The following NREP variants were observed in gnomAD, a reference collection of about 807,000 sequenced individuals.
NREP encodes the protein neuronal regeneration related protein, also known as neuronal regeneration-related protein.
Under a neutral mutation model 8.6 loss-of-function variants are expected in NREP, and 5 were observed. The observed-to-expected ratio is 0.58, with a 90% CI of 0.30 to 1.22. NREP has a LOEUF of 1.22. NREP is among the 50% of genes most tolerant of loss of function. The probability of loss-of-function intolerance (pLI) is 0.07; values close to 1 mark genes in which losing one functional copy is unlikely to be tolerated. For missense variants in NREP, 86 were observed against 82.5 expected (o/e 1.04, Z -0.17); for synonymous variants, 27 against 28.0 (o/e 0.96, Z 0.11).
chr5:111,971,584 A>G (rs1756819970), intron 2 of NREP, among the ~76,000 whole-genome samples: 1 of 152,314 alleles, frequency 6.6e-6, no homozygotes, highest in Non-Finnish European at 1.5e-5. Flanking sequence ...TTTATGGTCA[A>G]TTGATTTTTG....
intron 2 of NREP, among the ~76,000 whole-genome samples, chr5:111,818,210 ATAAT>A (rs1419023806): frequency 6.6e-6 from 1 of 152,158 alleles, no homozygotes; most frequent in Non-Finnish European, 1.5e-5. Flanking sequence ...GTGTCATATT[ATAAT>A]TAATTGCACA....
At chr5:111,757,600 G>A, upstream of NREP, 1 of 983,608 alleles carries the variant, frequency 1.0e-6, no homozygotes, top group African/African-American at 1.8e-5. Flanking sequence ...GTCGGCGAGC[G>A]GCCAACAGGC....
At chr5:111,882,922 T>C (rs1336141082) in intron 2 of NREP, among the ~76,000 whole-genome samples, 3 of 152,154 alleles carry the variant, frequency 2.0e-5, no homozygotes, top group Non-Finnish European at 4.4e-5. Flanking sequence ...CATCAACTAA[T>C]GAGCAAAATA....
At chr5:111,927,784 T>C (rs490983) in intron 2 of NREP, among the ~76,000 whole-genome samples, 79,572 of 151,904 alleles carry the variant, frequency 0.52, 21,730 homozygotes, top group African/African-American at 0.66. Context: ...TCTTTCCTTT[T>C]AAATATTTAA....
intron 2 of NREP, among the ~76,000 whole-genome samples, chr5:111,811,607 A>C (rs1752270707): frequency 6.6e-6 from 1 of 152,190 alleles, no homozygotes; most frequent in South Asian, 2.1e-4. Flanking sequence ...TCAAGTCCAG[A>C]AGGGAGTGCT....
At chr5:111,868,096 G>C (rs1032070666) in intron 2 of NREP, among the ~76,000 whole-genome samples, 2 of 151,946 alleles carry the variant, frequency 1.3e-5, no homozygotes, top group Admixed American at 6.6e-5. Flanking sequence ...CATTTTAAAA[G>C]CTAATGGAAA....
At chr5:111,968,907 C>T (rs530291657) in intron 2 of NREP, among the ~76,000 whole-genome samples, 30 of 152,332 alleles carry the variant, frequency 2.0e-4, no homozygotes, top group Non-Finnish European at 3.2e-4. Context: ...CTGCTCATCA[C>T]CACTCAACCC....
At chr5:111,802,569 T>C (rs190656248) in intron 2 of NREP, among the ~76,000 whole-genome samples, 1 of 152,160 alleles carries the variant, frequency 6.6e-6, no homozygotes, top group Non-Finnish European at 1.5e-5. Flanking sequence ...TGTATTTTTT[T>C]AAAATGCAAT....
chr5:111,936,857 C>A (rs1451427903), intron 2 of NREP, among the ~76,000 whole-genome samples: 1 of 152,016 alleles, frequency 6.6e-6, no homozygotes, highest in African/African-American at 2.4e-5. Context: ...CAGCTCTAGG[C>A]CATCTAGGTG....
exon 2 of NREP, chr5:111,975,322 A>G: frequency 6.4e-7 from 1 of 1,551,646 alleles, no homozygotes; most frequent in Non-Finnish European, 8.7e-7. Context: ...ATTTGGAACA[A>G]GGGACTCTGT....
In NREP at chr5:111,863,930, A is replaced by G. The variant is rs116798715; in HGVS notation, c.135+111344T>C. On this transcript the variant is annotated intron_variant, in intron 2 of 3. Transcript: ENST00000395634. ...TCCAACTGCAAGTGTTCCAAGATAT[A>G]TGGAGTCTTAATGTCTGGGCTCAGA... Among the ~76,000 whole-genome samples the G allele has an allele frequency of 7.1e-3, 1,079 of 152,238 alleles. 23 individuals are homozygous for G. The highest frequency in any genetic ancestry group is 0.025 in the African/African-American group (1,039 of 41,532).
intron 2 of NREP, 154 bp downstream of exon 2, chr5:111,755,616 G>T: frequency 1.2e-6 from 1 of 805,232 alleles, no homozygotes. Flanking sequence ...TTGCTGTACT[G>T]CAACGCTCCC....
At chr5:111,900,969 A>G (rs1011732109) in intron 2 of NREP, among the ~76,000 whole-genome samples, 3 of 152,194 alleles carry the variant, frequency 2.0e-5, no homozygotes, top group African/African-American at 7.2e-5. Context: ...AGAAAACTGC[A>G]TGCCAGTATT....
intron 2 of NREP, among the ~76,000 whole-genome samples, chr5:111,933,460 A>C (rs1240650165): frequency 6.6e-6 from 1 of 152,104 alleles, no homozygotes; most frequent in Non-Finnish European, 1.5e-5. Flanking sequence ...TACTATAACA[A>C]TTGCACCTTG....
chr5:111,919,624 A>G (rs990917227), intron 2 of NREP, among the ~76,000 whole-genome samples: 1 of 152,168 alleles, frequency 6.6e-6, no homozygotes, highest in Non-Finnish European at 1.5e-5. Context: ...ACCCAAGAAC[A>G]GAAAACCAAA....
In NREP at chr5:111,932,637, A is replaced by G. The variant is rs996768185; in HGVS notation, c.135+42637T>C. On this transcript the variant is annotated intron_variant, in intron 2 of 3. Transcript: ENST00000395634. ...CTCCTTTTAAAATGTTTATTTTATTACTGCAGGAAAATGTTTCATCTGAAA... is the reference window on the plus strand; with the variant it reads ...CTCCTTTTAAAATGTTTATTTTATTGCTGCAGGAAAATGTTTCATCTGAAA... Among the ~76,000 whole-genome samples the G allele has an allele frequency of 2.0e-5, 3 of 152,080 alleles. 1 individual carries two copies. Among genetic ancestry groups the G allele is most frequent in the Admixed American group, 2.0e-4 (3 of 15,266 alleles).
At chr5:111,755,711 T>C in intron 2 of NREP, 59 bp downstream of exon 2, 12 of 1,582,608 alleles carry the variant, frequency 7.6e-6, no homozygotes, top group Non-Finnish European at 1.0e-5. Flanking sequence ...GTGGTTGATA[T>C]TTATATGTAA....
At chr5:111,771,426 T>TACAC (rs111799670) in intron 2 of NREP, among the ~76,000 whole-genome samples, 12,015 of 147,158 alleles carry the variant, frequency 0.082, 632 homozygotes, top group Non-Finnish European at 0.11. Context: ...CATAGTCTTT[T>TACAC]ACACACACAC....
intron 2 of NREP, among the ~76,000 whole-genome samples, chr5:111,862,427 C>T (rs911593905): frequency 3.3e-5 from 5 of 152,022 alleles, no homozygotes; most frequent in Non-Finnish European, 5.9e-5. Flanking sequence ...CAGAGTACGG[C>T]GAGGCTTGCA....
Sources: allele counts gnomAD v4.1 joint callset (sites outside exome capture counted in the v4.1 genomes callset), GRCh38; gene constraint gnomAD v4.1.1; transcripts MANE v1.5; gene names NCBI Gene and HGNC (gene_info 2026-07-23, HGNC 2026-07-21).